GTF3C5: variants seen among roughly 807,000 people sequenced by gnomAD.
GTF3C5 encodes general transcription factor 3C polypeptide 5.
Under a neutral mutation model 61.0 loss-of-function variants are expected in GTF3C5, and 47 were observed. The ratio of observed to expected loss-of-function variants is 0.77; its 90% CI spans 0.61 to 0.98. The LOEUF is 0.98. Ranked by LOEUF, GTF3C5 falls within the 50% of genes least tolerant of loss-of-function variation. The pLI, the probability that GTF3C5 is intolerant of heterozygous loss-of-function variation, is 0.00. For synonymous variants in GTF3C5, 295 were observed against 275.4 expected (o/e 1.07, Z -0.71); for missense variants, 659 against 703.3 (o/e 0.94, Z 0.71).
rs533968582 is a variant in GTF3C5, at chr9:133,056,654, G to A, written c.1251-112G>A. 1.6e-3 allele frequency: 1,591 copies of A among 1,015,334 alleles called. 19 individuals carry two copies. In the South Asian group the frequency reaches 0.018, roughly 11 times the overall value. 62.9% of individuals were successfully genotyped at this position (1,015,334 alleles called of 1,614,324 possible). A position where few individuals can be genotyped will look rare whatever the true frequency, so the allele number is the denominator to read the frequency against. On this transcript the variant is annotated intron_variant, in intron 9 of 10. Coordinates refer to ENST00000372097, the MANE Select transcript of GTF3C5 (RefSeq NM_012087.4). ...GTTCCTCTCTGTAGACTTCGCTCAC[G>A]GGGCTGCCTTTGATCTCAGTACAGC... is the stretch of plus-strand genomic sequence containing the variant.
chr9:133,030,751 T>A, upstream of GTF3C5: 1 of 588,640 alleles, frequency 1.7e-6, no homozygotes, highest in South Asian at 1.9e-5. Context: ...TAGGAGAGAC[T>A]GGTGCTTGCC....
intron 4 of GTF3C5, among the ~76,000 whole-genome samples, chr9:133,051,549 C>T (rs561954308): frequency 2.5e-4 from 38 of 152,352 alleles, no homozygotes; most frequent in African/African-American, 7.9e-4. Flanking sequence ...CTCCTTATTG[C>T]CCACCAGGCA....
intron 3 of GTF3C5, among the ~76,000 whole-genome samples, chr9:133,049,381 C>T (rs1202099159): frequency 6.6e-6 from 1 of 152,254 alleles, no homozygotes; most frequent in East Asian, 1.9e-4. Context: ...AAGGCCCAGG[C>T]TCGATCCCGT....
chr9:133,047,117 A>G (rs1204668040), intron 3 of GTF3C5, among the ~76,000 whole-genome samples: 3 of 152,140 alleles, frequency 2.0e-5, no homozygotes, highest in African/African-American at 7.2e-5. Flanking sequence ...AGCAGTGCGG[A>G]TCTCTGACAG....
chr9:133,052,602 C>T (rs1564203122), intron 5 of GTF3C5, among the ~76,000 whole-genome samples: 1 of 152,020 alleles, frequency 6.6e-6, no homozygotes, highest in South Asian at 2.1e-4. Context: ...CTTTGATCCA[C>T]AAGCATGTAA....
chr9:133,054,327 T>A lies in GTF3C5; in HGVS notation c.989-81T>A, dbSNP rs1434030872. 2.5e-6 allele frequency: 3 copies of A among 1,194,024 alleles called. No individual in the cohort carries two copies. In the African/African-American group the frequency reaches 4.5e-5, roughly 18 times the overall value. 74.0% of individuals were successfully genotyped at this position (1,194,024 alleles called of 1,614,324 possible). ...CAGGAGCTGGCCCCATGGACCCAAC[T>A]CCCATCTCCAGTGTGAAGCCAGTGT... is the stretch of plus-strand genomic sequence containing the variant. On this transcript the variant is annotated intron_variant, in intron 6 of 10. Coordinates refer to ENST00000372097, the MANE Select transcript of GTF3C5 (RefSeq NM_012087.4).
chr9:133,057,232 G>A (rs1194526396), intron 10 of GTF3C5, among the ~76,000 whole-genome samples: 4 of 152,250 alleles, frequency 2.6e-5, no homozygotes, highest in Non-Finnish European at 4.4e-5. Context: ...TCTTTCAGCT[G>A]TGCATGCGCA....
rs75840069 is a variant in GTF3C5, at chr9:133,050,536, G to C, written c.573-247G>C. On this transcript the variant is annotated intron_variant, in intron 3 of 10. Transcript: ENST00000372097. ...TCTAGGACCTTTTGGCCTTTCCCCA[G>C]TTTGAGAGCTGCAGGCCCCAGGGTT... 8.2e-3 allele frequency among the ~76,000 whole-genome samples: 1,244 copies of C among 152,322 alleles called. 8 individuals are homozygous for C. The highest frequency in any genetic ancestry group is 0.022 in the African/African-American group (904 of 41,568).
intron 1 of GTF3C5, among the ~76,000 whole-genome samples, chr9:133,041,575 GCCCCTTTTGCT>G (rs1225027356): frequency 1.3e-5 from 2 of 152,118 alleles, no homozygotes; most frequent in Non-Finnish European, 2.9e-5. Flanking sequence ...TCTTTACCCT[GCCCCTTTTGCT>G]TTGTATCCAG....
upstream of GTF3C5, chr9:133,030,927 C>A (rs542855608): frequency 1.1e-4 from 160 of 1,474,882 alleles, no homozygotes; most frequent in Non-Finnish European, 3.1e-5. Context: ...GAGCCCGGAA[C>A]GATTCCTTCG....
rs1564198091 is a variant in GTF3C5, at chr9:133,043,721, T to C, written c.374-7T>C. 1.9e-6 allele frequency: 3 copies of C among 1,613,196 alleles called. No homozygotes were observed. The highest frequency in any genetic ancestry group is 3.3e-5 in the Admixed American group (2 of 60,004). On this transcript the variant is annotated splice_polypyrimidine_tract_variant and splice_region_variant and intron_variant, in intron 2 of 10. Coordinates refer to ENST00000372097, the MANE Select transcript of GTF3C5 (RefSeq NM_012087.4). Reference sequence around the variant, plus strand: ...AATGTCTGCCATCTGCCCACCTCTCTTTCTAGGGATGTCTGACTTCCAGTA... The same window carrying C: ...AATGTCTGCCATCTGCCCACCTCTCCTTCTAGGGATGTCTGACTTCCAGTA...
chr9:133,044,145 CCAAAAAA>C, intron 3 of GTF3C5: 4 of 140,858 alleles, frequency 2.8e-5, no homozygotes, highest in South Asian at 4.0e-4. Flanking sequence ...ACTTTGTCTC[CCAAAAAA>C]AAAAAAAAAA....
intron 4 of GTF3C5, among the ~76,000 whole-genome samples, chr9:133,051,401 C>T (rs758416655): frequency 1.4e-4 from 22 of 152,254 alleles, no homozygotes; most frequent in African/African-American, 4.6e-4. Flanking sequence ...TGGAGTCCTG[C>T]GTCCCCACTG....
chr9:133,054,719 G>C lies in GTF3C5; in HGVS notation c.1077G>C (p.Gln359His), dbSNP rs1394331350. The C allele has an allele frequency of 6.4e-7, 1 of 1,570,278 alleles. No homozygotes were observed. The highest frequency in any genetic ancestry group is 1.9e-5 in the Admixed American group (1 of 53,130). ...GCTGTTGTCCCCACGCAGCCAGCCA[G>C]CTTGTCACCATGCATGACCTGAAGC... The part of the protein sequence containing the change: ...LPITVKKTSS[Q>H]LVTMHDLKQG... The change falls in exon 8 of 11, where the codon CAG becomes CAC. Residue 359 changes from glutamine (Q) to histidine (H), a missense_variant. By Grantham distance (24) the Gln-to-His change is conservative. Transcript: ENST00000372097.
At chr9:133,055,033 G>C (rs954886225) in intron 8 of GTF3C5, 1 of 1,551,572 alleles carries the variant, frequency 6.4e-7, no homozygotes, top group Non-Finnish European at 8.7e-7. Context: ...GTGGTGACAA[G>C]TCTCAGGGAA....
chr9:133,041,353 T>C (rs1416389489), intron 1 of GTF3C5, among the ~76,000 whole-genome samples: 1 of 152,198 alleles, frequency 6.6e-6, no homozygotes, highest in Non-Finnish European at 1.5e-5. Context: ...CTAGTCCACC[T>C]TCATGTTCCG....
intron 9 of GTF3C5, 63 bp downstream of exon 9, chr9:133,056,157 T>G: frequency 7.3e-7 from 1 of 1,361,108 alleles, no homozygotes; most frequent in South Asian, 1.2e-5. Flanking sequence ...ACCAAAGCGG[T>G]CTCTGAACTC....
At chr9:133,043,625 A>G (rs1850102323) in intron 2 of GTF3C5, 103 bp from the exon 3 acceptor site, 1 of 896,712 alleles carries the variant, frequency 1.1e-6, no homozygotes, top group South Asian at 1.4e-5. Flanking sequence ...AGCCTCCACC[A>G]CATGGCCCAC....
chr9:133,043,230 C>T (rs926236524), intron 2 of GTF3C5, among the ~76,000 whole-genome samples: 1 of 152,176 alleles, frequency 6.6e-6, no homozygotes, highest in Non-Finnish European at 1.5e-5. Context: ...TCTTTTGGGA[C>T]AAGGTTTCCC....
Sources: gnomAD v4.1 joint callset for allele counts (sites outside exome capture counted in the v4.1 genomes callset) on GRCh38, gnomAD v4.1.1 for gene constraint, MANE v1.5 for transcripts, NCBI Gene and HGNC (gene_info 2026-07-23, HGNC 2026-07-21) for gene names.